AFDN: variants seen among roughly 807,000 people sequenced by gnomAD.
AFDN encodes afadin.
A neutral mutation model predicts 216.6 loss-of-function variants in AFDN; 68 were observed. The ratio of observed to expected loss-of-function variants is 0.31; its 90% CI spans 0.26 to 0.38. AFDN has a LOEUF of 0.38. Ranked by LOEUF, AFDN falls within the 10% of genes least tolerant of loss-of-function variation. AFDN has a pLI of 1.00. For synonymous variants in AFDN, 868 were observed against 853.7 expected, an observed-to-expected ratio of 1.02 and a Z score of -0.29; for missense variants, 2,136 against 2,342.0, an observed-to-expected ratio of 0.91 and a Z score of 1.82.
At chr6:167,946,945 C>T (rs1795338335) in intron 27 of AFDN, 44 bp downstream of exon 27, 2 of 1,526,942 alleles carry the variant, frequency 1.3e-6, no homozygotes, top group Admixed American at 2.1e-5. Context: ...CTTGTGATCA[C>T]AGTCTGAAGT....
chr6:167,963,131 G>A, intron 31 of AFDN: 3 of 1,066,074 alleles, frequency 2.8e-6, no homozygotes, highest in Non-Finnish European at 3.4e-6. Context: ...GTGTGTGTGT[G>A]TTTAAATCAA....
intron 23 of AFDN, among the ~76,000 whole-genome samples, chr6:167,926,113 A>G (rs1198034254): frequency 6.6e-6 from 1 of 152,256 alleles, no homozygotes; most frequent in Non-Finnish European, 1.5e-5. Flanking sequence ...GAATTATATT[A>G]TCCTGAATAT....
chr6:167,831,893 A>C (rs1416537552), intron 1 of AFDN, among the ~76,000 whole-genome samples: 1 of 152,236 alleles, frequency 6.6e-6, no homozygotes. Flanking sequence ...GTGTAATGTC[A>C]GACAGTGTGT....
At chr6:167,903,583 A>G (rs951573753) in intron 12 of AFDN, among the ~76,000 whole-genome samples, 18 of 152,182 alleles carry the variant, frequency 1.2e-4, no homozygotes, top group African/African-American at 4.3e-4. Context: ...GATTTATTGA[A>G]TGCCATGGTG....
At chr6:167,902,945 C>T (rs566669111) in intron 12 of AFDN, among the ~76,000 whole-genome samples, 96 of 152,286 alleles carry the variant, frequency 6.3e-4, no homozygotes, top group African/African-American at 1.9e-3. Flanking sequence ...TTTCTTTTCT[C>T]TAAGGCCAGG....
At chr6:167,908,415 T>C (rs1789987056) in intron 13 of AFDN, among the ~76,000 whole-genome samples, 1 of 152,248 alleles carries the variant, frequency 6.6e-6, no homozygotes, top group African/African-American at 2.4e-5. Flanking sequence ...GTGAATCTTA[T>C]TACATGTGAT....
rs1328257289 is a variant in AFDN at position 167,889,275 on chromosome 6, G to T, written c.958G>T (p.Asp320Tyr). 6.2e-7 allele frequency: 1 copy of T among 1,613,804 alleles called. No homozygotes were observed. The highest frequency in any genetic ancestry group is 1.3e-5 in the African/African-American group (1 of 74,898). ...AAAGGGTGCTAAAGAAATTATTCTT[G>T]ATGATGATGAGTGTCCTTTACAAAT... ...DEKGAKEIIL[D>Y]DDECPLQIFR... Residue 320 changes from aspartate (D) to tyrosine (Y), a missense_variant, in exon 7 of 34, where the codon GAT (aspartate) becomes TAT (tyrosine). Transcript: ENST00000683244.
chr6:167,955,653 A>G (rs941030885), intron 30 of AFDN, among the ~76,000 whole-genome samples: 18 of 152,196 alleles, frequency 1.2e-4, no homozygotes, highest in African/African-American at 4.1e-4. Flanking sequence ...TGACACATGA[A>G]CAGTAAAATA....
intron 23 of AFDN, among the ~76,000 whole-genome samples, chr6:167,927,846 A>C (rs1164453853): frequency 1.3e-5 from 2 of 152,180 alleles, no homozygotes; most frequent in African/African-American, 4.8e-5. Flanking sequence ...TAAAAGGGGA[A>C]CTGTCAGCCA....
At chr6:167,871,430 G>A (rs1333617872) in intron 3 of AFDN, among the ~76,000 whole-genome samples, 5 of 152,144 alleles carry the variant, frequency 3.3e-5, no homozygotes, top group Non-Finnish European at 5.9e-5. Context: ...GAACTCCTAA[G>A]ACCAGTGCAG....
intron 2 of AFDN, among the ~76,000 whole-genome samples, chr6:167,866,414 C>CTGAG (rs2128234588): frequency 6.6e-6 from 1 of 152,140 alleles, no homozygotes; most frequent in South Asian, 2.1e-4. Context: ...GAAACCTTAG[C>CTGAG]GTCTCAGTCA....
chr6:167,875,567 A>T, intron 5 of AFDN, 72 bp downstream of exon 5: 1 of 1,496,878 alleles, frequency 6.7e-7, no homozygotes, highest in African/African-American at 1.4e-5. Context: ...TACGTGCGTG[A>T]GACTTGCTTT....
At chr6:167,913,619 C>A in intron 16 of AFDN, 196 bp downstream of exon 16, 1 of 570,674 alleles carries the variant, frequency 1.8e-6, no homozygotes, top group East Asian at 2.9e-5. Flanking sequence ...GCTTAATGCA[C>A]TTCAGTGTGG....
chr6:167,951,407 A>G lies in AFDN; in HGVS notation c.4053A>G (p.Lys1351=). 6.2e-7 allele frequency: 1 copy of G among 1,614,058 alleles called. No homozygotes were observed. The stretch of plus-strand genomic sequence containing the variant: ...CCAAAAGTGGCCCTGGCCGTTGGAA[A>G]ACACCAGCAGCCATACCGGCCACCC... ...TLTKSGPGRW[K]TPAAIPATPV... The change falls in exon 30 of 34, where the codon AAA becomes AAG. Residue 1351 remains lysine, a synonymous_variant. Transcript: ENST00000683244. This position sits in a 1 kb window ranked among gnomAD's most constrained non-coding sequence, Gnocchi z 7.1.
intron 9 of AFDN, among the ~76,000 whole-genome samples, chr6:167,895,570 T>C (rs1232419836): frequency 6.6e-6 from 1 of 152,182 alleles, no homozygotes; most frequent in Non-Finnish European, 1.5e-5. Flanking sequence ...CTGAAGTATT[T>C]CAGAAATAGA....
chr6:167,926,590 C>T (rs147742355), intron 23 of AFDN, among the ~76,000 whole-genome samples: 1 of 152,316 alleles, frequency 6.6e-6, no homozygotes, highest in East Asian at 1.9e-4. Context: ...TACCACCATG[C>T]CTGGCTAATT....
intron 30 of AFDN, among the ~76,000 whole-genome samples, chr6:167,961,519 A>G (rs1299885178): frequency 1.3e-5 from 2 of 152,236 alleles, no homozygotes; most frequent in African/African-American, 4.8e-5. Context: ...AGGATAAAGG[A>G]GCTAAAAATT....
intron 23 of AFDN, among the ~76,000 whole-genome samples, chr6:167,933,616 G>C (rs1327338180): frequency 6.6e-6 from 1 of 152,184 alleles, no homozygotes; most frequent in Non-Finnish European, 1.5e-5. Flanking sequence ...TAAGTTGTAT[G>C]AAGTGACACT....
chr6:167,927,813 C>G (rs1469950953), intron 23 of AFDN, among the ~76,000 whole-genome samples: 1 of 152,074 alleles, frequency 6.6e-6, no homozygotes, highest in Non-Finnish European at 1.5e-5. Flanking sequence ...TTTAAGGGAC[C>G]AGAACTCAAA....
Sources: allele counts gnomAD v4.1 joint callset (sites outside exome capture counted in the v4.1 genomes callset), GRCh38; gene constraint gnomAD v4.1.1; non-coding constraint Gnocchi (gnomAD v3.1); transcripts MANE v1.5; gene names NCBI Gene and HGNC (gene_info 2026-07-23, HGNC 2026-07-21).